Variants in F2R observed in about 807,000 individuals in gnomAD.
F2R encodes the protein proteinase-activated receptor 1.
Under a neutral mutation model 18.3 loss-of-function variants are expected in F2R, and 12 were observed. That is an observed-to-expected ratio of 0.66 (90% CI 0.42 to 1.06). F2R has a LOEUF of 1.06. F2R is among the 50% of genes least tolerant of loss of function. F2R has a pLI of 0.00. For synonymous variants in F2R, 210 were observed against 219.9 expected, an observed-to-expected ratio of 0.95 and a Z score of 0.40; for missense variants, 438 against 530.8, an observed-to-expected ratio of 0.83 and a Z score of 1.72.
intron 1 of F2R, among the ~76,000 whole-genome samples, chr5:76,728,229 A>C (rs1277650420): frequency 6.6e-6 from 1 of 152,152 alleles, no homozygotes; most frequent in Non-Finnish European, 1.5e-5. Context: ...AGCAATTGTC[A>C]AGTATACAAC....
Position 76,733,086 on chromosome 5 carries a change from G to A in F2R, c.861G>A (p.Thr287=), listed in dbSNP as rs780737633. 8 of 1,613,954 alleles carry A rather than the reference G, an allele frequency of 5.0e-6. No individual in the cohort carries two copies. The highest frequency in any genetic ancestry group is 2.2e-5 in the East Asian group (1 of 44,894). Residue 287 remains threonine (T), a synonymous_variant, in exon 2 of 2, where the codon ACG becomes ACA. Transcript: ENST00000319211. ...TTTTTGTGCCGCTGATCATTTCCAC[G>A]GTCTGTTATGTGTCTATCATTCGAT... is the stretch of plus-strand genomic sequence containing the variant. ...VFFFVPLIIS[T]VCYVSIIRCL...
Position 76,733,151 on chromosome 5 carries a change from C to T in F2R, c.926C>T (p.Ser309Phe). Residue 309 changes from serine to phenylalanine, a missense_variant, in exon 2 of 2, where the codon TCC becomes TTC. By Grantham distance (155) the Ser-to-Phe change is radical. Transcript: ENST00000319211. ...GCAGTTGCCAACCGCAGCAAGAAGT[C>T]CCGGGCTTTGTTCCTGTCAGCTGCT... ...SSAVANRSKK[S>F]RALFLSAAVF... 1 of 1,614,208 alleles carries T rather than the reference C, an allele frequency of 6.2e-7. No homozygotes were observed. Among genetic ancestry groups the T allele is most frequent in the Non-Finnish European group, 8.5e-7 (1 of 1,180,034 alleles).
chr5:76,733,073 T>A lies in F2R; in HGVS notation c.848T>A (p.Leu283Gln). 6.2e-7 allele frequency: 1 copy of A among 1,614,194 alleles called. No individual in the cohort carries two copies. The highest frequency in any genetic ancestry group is 8.5e-7 in the Non-Finnish European group (1 of 1,180,044). Residue 283 changes from leucine (L) to glutamine (Q), a missense_variant, in exon 2 of 2, where the codon CTG becomes CAG. Coordinates refer to ENST00000319211, the MANE Select transcript of F2R (RefSeq NM_001992.5). ...AFSAVFFFVP[L>Q]IISTVCYVSI... ...TCTGCTGTCTTCTTTTTTGTGCCGC[T>A]GATCATTTCCACGGTCTGTTATGTG...
Position 76,732,989 on chromosome 5 carries a change from A to G in F2R, c.764A>G (p.His255Arg). 6.2e-7 allele frequency: 1 copy of G among 1,614,162 alleles called. No homozygotes were observed. The highest frequency in any genetic ancestry group is 1.7e-5 in the Admixed American group (1 of 60,022). Residue 255 changes from histidine (H) to arginine (R), a missense_variant, in exon 2 of 2, where the codon CAT (histidine) becomes CGT (arginine). His to Arg is a conservative substitution (Grantham distance 29). Coordinates refer to ENST00000319211, the MANE Select transcript of F2R (RefSeq NM_001992.5). ...QVPGLNITTC[H>R]DVLNETLLEG... ...CCCGGGCTCAACATCACTACCTGTC[A>G]TGATGTGCTCAATGAAACCCTGCTC...
At chr5:76,719,587 T>A (rs2227758) in intron 1 of F2R, among the ~76,000 whole-genome samples, 144 of 124,880 alleles carry the variant, frequency 1.2e-3, no homozygotes, top group African/African-American at 4.8e-3. Context: ...AGACTCTCTC[T>A]CAAAAAAAAA....
chr5:76,730,268 C>T (rs1748645968), intron 1 of F2R, among the ~76,000 whole-genome samples: 1 of 152,158 alleles, frequency 6.6e-6, no homozygotes, highest in African/African-American at 2.4e-5. Flanking sequence ...GTCAGCCAAA[C>T]CCTAGGACAG....
chr5:76,724,110 A>G (rs771054071), intron 1 of F2R, among the ~76,000 whole-genome samples: 64 of 152,150 alleles, frequency 4.2e-4, no homozygotes, highest in Non-Finnish European at 1.2e-4. Flanking sequence ...TCTGTTGCTA[A>G]GGCTGGAGTT....
In F2R at chr5:76,716,301, C is replaced by G; in HGVS notation, c.-7C>G. The G allele has an allele frequency of 7.2e-7, 1 of 1,393,340 alleles. No individual in the cohort carries two copies. Among genetic ancestry groups the G allele is most frequent in the Non-Finnish European group, 9.3e-7 (1 of 1,077,466 alleles). The allele number at this position is 1,393,340 out of a possible 1,614,324, so 86.3% of individuals were successfully genotyped here. On this transcript the variant is annotated 5_prime_UTR_variant, in exon 1 of 2. Coordinates refer to ENST00000319211, the MANE Select transcript of F2R (RefSeq NM_001992.5). ...TCCCGGAGCAGCGCCGCGCAGAGCCCGGGACAATGGGGCCGCGGCGGCTGC... is the reference window on the plus strand; with the variant it reads ...TCCCGGAGCAGCGCCGCGCAGAGCCGGGGACAATGGGGCCGCGGCGGCTGC...
chr5:76,732,259 C>T, intron 1 of F2R, 55 bp from the exon 2 acceptor site: 22 of 1,377,882 alleles, frequency 1.6e-5, no homozygotes, highest in Non-Finnish European at 2.2e-5. Context: ...GTCGCTTTTG[C>T]CTTGTTGATG....
In F2R at chr5:76,734,075, T is replaced by A. The variant is rs1329296919; in HGVS notation, c.*572T>A. On this transcript the variant is annotated 3_prime_UTR_variant, in exon 2 of 2. Coordinates refer to ENST00000319211, the MANE Select transcript of F2R (RefSeq NM_001992.5). ...TATTAAGAGGTAAGACTTAGTACTA[T>A]CTGTGCGTAGAAGTTCTAGTGTTTT... is the stretch of plus-strand genomic sequence containing the variant. The A allele has an allele frequency of 1.3e-5, 2 of 153,280 alleles. No individual in the cohort carries two copies. The highest frequency in any genetic ancestry group is 2.9e-5 in the Non-Finnish European group (2 of 68,746). 9.5% of individuals were successfully genotyped at this position (153,280 alleles called of 1,614,324 possible).
chr5:76,716,423 C>A, intron 1 of F2R, 28 bp downstream of exon 1: 2 of 1,408,466 alleles, frequency 1.4e-6, no homozygotes. Flanking sequence ...ATGGGGTGCG[C>A]GGGCGGAGGG....
chr5:76,731,451 G>A (rs1052280128), intron 1 of F2R, among the ~76,000 whole-genome samples: 2 of 151,622 alleles, frequency 1.3e-5, no homozygotes, highest in African/African-American at 4.8e-5. Context: ...TCCAGCCTGG[G>A]CAACAGAGTG....
intron 1 of F2R, among the ~76,000 whole-genome samples, chr5:76,723,405 T>C (rs2227775): frequency 6.6e-6 from 1 of 152,240 alleles, no homozygotes; most frequent in African/African-American, 2.4e-5. Flanking sequence ...CCCTGGCTCC[T>C]CTACTTCATA....
At chr5:76,731,692 G>A (rs1388033669) in intron 1 of F2R, among the ~76,000 whole-genome samples, 1 of 151,840 alleles carries the variant, frequency 6.6e-6, no homozygotes, top group Non-Finnish European at 1.5e-5. Context: ...ACCGCACCTG[G>A]CTAATTTTTG....
chr5:76,716,371 GCCCGCA>G lies in F2R; in HGVS notation c.69_74del (p.Thr24_Arg25del). ...CAGTCTGTGCGGCCCGCTGTTGTCT[GCCCGCA>G]CCCGGGCCCGCAGGCCAGGTGAGAG... On this transcript the variant is annotated inframe_deletion, in exon 1 of 2. Coordinates refer to ENST00000319211, the MANE Select transcript of F2R (RefSeq NM_001992.5). The G allele has an allele frequency of 6.9e-7, 1 of 1,458,364 alleles. No homozygotes were observed. The highest frequency in any genetic ancestry group is 9.0e-7 in the Non-Finnish European group (1 of 1,109,074). 90.3% of individuals were successfully genotyped at this position (1,458,364 alleles called of 1,614,324 possible).
intron 1 of F2R, chr5:76,716,904 A>T (rs939796777): frequency 2.0e-6 from 1 of 490,438 alleles, no homozygotes; most frequent in African/African-American, 2.0e-5. Flanking sequence ...CATGTTTAGC[A>T]GAGAATCAGT....
chr5:76,718,756 A>C (rs532526375), intron 1 of F2R, among the ~76,000 whole-genome samples: 17 of 152,260 alleles, frequency 1.1e-4, no homozygotes, highest in Non-Finnish European at 1.9e-4. Flanking sequence ...ATATGTGATC[A>C]TTAAAAGGGC....
At chr5:76,729,767 GT>G (rs1748635695) in intron 1 of F2R, among the ~76,000 whole-genome samples, 1 of 152,168 alleles carries the variant, frequency 6.6e-6, no homozygotes, top group Admixed American at 6.5e-5. Flanking sequence ...TTGGCTCTAT[GT>G]CCCCACCCAA....
chr5:76,722,274 G>A (rs894153978), intron 1 of F2R, among the ~76,000 whole-genome samples: 1 of 152,196 alleles, frequency 6.6e-6, no homozygotes, highest in African/African-American at 2.4e-5. Context: ...TTAGCTAGAT[G>A]TCTTGTTGGA....
Sources: allele counts gnomAD v4.1 joint callset (sites outside exome capture counted in the v4.1 genomes callset), GRCh38; gene constraint gnomAD v4.1.1; transcripts MANE v1.5; gene names NCBI Gene and HGNC (gene_info 2026-07-23, HGNC 2026-07-21).